The following LDLRAP1 variants were observed in gnomAD, a reference collection of about 807,000 sequenced individuals.
The protein encoded by LDLRAP1 is low density lipoprotein receptor adaptor protein 1, also known as low density lipoprotein receptor adapter protein 1.
A neutral mutation model predicts 37.8 loss-of-function variants in LDLRAP1; 30 were observed. That is an observed-to-expected ratio of 0.79 (90% CI 0.59 to 1.08). The LOEUF is 1.08. Ranked by LOEUF, LDLRAP1 falls within the 50% of genes least tolerant of loss-of-function variation. The pLI is 0.00. For missense variants in LDLRAP1, 375 were observed against 401.6 expected (o/e 0.93, Z 0.57); for synonymous variants, 156 against 169.8 (o/e 0.92, Z 0.63).
chr1:25,557,450 C>T, intron 4 of LDLRAP1, 183 bp downstream of exon 4: 1 of 609,340 alleles, frequency 1.6e-6, no homozygotes, highest in Non-Finnish European at 2.9e-6. Flanking sequence ...GGGCTGCAGG[C>T]AGGCAGGTGA....
intron 4 of LDLRAP1, chr1:25,557,472 G>A (rs1246354960): frequency 8.4e-6 from 5 of 598,370 alleles, no homozygotes; most frequent in Admixed American, 2.8e-5. Context: ...CCGCCGGTCA[G>A]CTTTGTGTGG....
intron 8 of LDLRAP1, 46 bp downstream of exon 8, chr1:25,565,253 G>A: frequency 6.2e-7 from 1 of 1,604,424 alleles, no homozygotes; most frequent in Non-Finnish European, 8.5e-7. Context: ...GTGTGCGTGG[G>A]CTGGCCCTGC....
intron 1 of LDLRAP1, among the ~76,000 whole-genome samples, chr1:25,547,974 G>A (rs2124644139): frequency 6.6e-6 from 1 of 152,336 alleles, no homozygotes; most frequent in Non-Finnish European, 1.5e-5. Flanking sequence ...GGAGTCAGAG[G>A]TCACCCACTG....
the LDLRAP1 span, among the ~76,000 whole-genome samples, chr1:25,575,538 T>C: frequency 2.6e-5 from 4 of 151,588 alleles, no homozygotes; most frequent in Non-Finnish European, 5.9e-5. Flanking sequence ...AAGGCTGTAG[T>C]GAGCTGTGAT....
intron 3 of LDLRAP1, among the ~76,000 whole-genome samples, chr1:25,556,057 G>A (rs2044190004): frequency 6.6e-6 from 1 of 152,174 alleles, no homozygotes; most frequent in Non-Finnish European, 1.5e-5. Flanking sequence ...AGAGCAGGAA[G>A]CTGGACCCCC....
At chr1:25,566,592 G>C (rs1229651186) in intron 8 of LDLRAP1, among the ~76,000 whole-genome samples, 1 of 150,638 alleles carries the variant, frequency 6.6e-6, no homozygotes, top group Non-Finnish European at 1.5e-5. Flanking sequence ...GGCATGTCCT[G>C]ACTGAGCTGG....
In LDLRAP1 at chr1:25,555,167, T is replaced by C. The variant is rs2044170801; in HGVS notation, c.344+195T>C. ...AAACGTGGAGTGCACGGCACCTGGC[T>C]CATGATGAGCATTTGGTTAAGTGGC... On this transcript the variant is annotated intron_variant, in intron 3 of 8. Coordinates refer to ENST00000374338, the MANE Select transcript of LDLRAP1 (RefSeq NM_015627.3). The surrounding 1 kb of genome is among the most constrained non-coding windows in gnomAD (Gnocchi z 4.7). Among the ~76,000 whole-genome samples the C allele has an allele frequency of 6.6e-6, 1 of 152,216 alleles. No homozygotes were observed. Among genetic ancestry groups the C allele is most frequent in the Non-Finnish European group, 1.5e-5 (1 of 68,038 alleles).
At position 25,554,734 on chromosome 1, in the gene LDLRAP1, A is replaced by G. The variant is rs1206161397; in HGVS notation, c.232-126A>G. 1.3e-6 allele frequency: 1 copy of G among 745,134 alleles called. No individual in the cohort carries two copies. The highest frequency in any genetic ancestry group is 1.7e-5 in the African/African-American group (1 of 58,080). 46.2% of individuals were successfully genotyped at this position (745,134 alleles called of 1,614,324 possible). A position where few individuals can be genotyped will look rare whatever the true frequency, so the allele number is the denominator to read the frequency against. On this transcript the variant is annotated intron_variant, in intron 2 of 8. Transcript: ENST00000374338. The surrounding 1 kb of genome is among the most constrained non-coding windows in gnomAD (Gnocchi z 5.4). Reference sequence around the variant, plus strand: ...GTGCTGGCTGAGTGGTCTTGCCCACACTGCTGCCAGTCACCTGAGCTGAGA... The same window carrying G: ...GTGCTGGCTGAGTGGTCTTGCCCACGCTGCTGCCAGTCACCTGAGCTGAGA...
the LDLRAP1 span, among the ~76,000 whole-genome samples, chr1:25,587,429 A>G: frequency 1.3e-5 from 2 of 152,154 alleles, no homozygotes; most frequent in Non-Finnish European, 2.9e-5. Flanking sequence ...TGTTGGTATT[A>G]CAGGTGTGAG....
At chr1:25,557,981 TC>T (rs2044249981) in intron 4 of LDLRAP1, among the ~76,000 whole-genome samples, 2 of 151,998 alleles carry the variant, frequency 1.3e-5, no homozygotes, top group African/African-American at 2.4e-5. Context: ...CCACGTTTCT[TC>T]CCCTCCCTGC....
rs1397934642 is a variant in LDLRAP1, at chr1:25,544,067, G to A, written c.88+281G>A. Reference sequence around the variant, plus strand: ...GCAGCCGGCATGGGGTGGGGTGCAGGTTGGGAGAAGAGGCCCCCGCCACCC... The same window carrying A: ...GCAGCCGGCATGGGGTGGGGTGCAGATTGGGAGAAGAGGCCCCCGCCACCC... On this transcript the variant is annotated intron_variant, in intron 1 of 8. Transcript: ENST00000374338. This position sits in a 1 kb window ranked among gnomAD's most constrained non-coding sequence, Gnocchi z 4.8. Among the ~76,000 whole-genome samples, 2 of 152,140 alleles carry A rather than the reference G, an allele frequency of 1.3e-5. No homozygotes were observed. Among genetic ancestry groups the A allele is most frequent in the East Asian group, 1.9e-4 (1 of 5,170 alleles).
chr1:25,578,041 G>GC, the LDLRAP1 span, among the ~76,000 whole-genome samples: 1 of 152,132 alleles, frequency 6.6e-6, no homozygotes, highest in Non-Finnish European at 1.5e-5. Flanking sequence ...GTGTGGGTGA[G>GC]CCCCCCACCT....
chr1:25,587,849 G>A, the LDLRAP1 span, among the ~76,000 whole-genome samples: 1 of 152,178 alleles, frequency 6.6e-6, no homozygotes. Flanking sequence ...GGTCAGGTGT[G>A]TGTGGGGAAA....
At chr1:25,576,067 A>T in the LDLRAP1 span, among the ~76,000 whole-genome samples, 2 of 141,824 alleles carry the variant, frequency 1.4e-5, no homozygotes, top group African/African-American at 5.1e-5. Context: ...CATCTCTATT[A>T]AAAAAAAAAA....
the LDLRAP1 span, among the ~76,000 whole-genome samples, chr1:25,586,773 G>C: frequency 6.6e-6 from 1 of 152,110 alleles, no homozygotes; most frequent in African/African-American, 2.4e-5. The surrounding 1 kb of genome is among the most constrained non-coding windows in gnomAD (Gnocchi z 4.3). Context: ...CCTGACCAGG[G>C]ATGCCTGAGC....
At chr1:25,558,416 G>A (rs1199690186) in intron 4 of LDLRAP1, among the ~76,000 whole-genome samples, 1 of 152,184 alleles carries the variant, frequency 6.6e-6, no homozygotes, top group Non-Finnish European at 1.5e-5. Flanking sequence ...ACAAATGATC[G>A]CAAATTTAGT....
At chr1:25,573,572 A>G (rs1361425663), downstream of LDLRAP1, among the ~76,000 whole-genome samples, 1 of 151,988 alleles carries the variant, frequency 6.6e-6, no homozygotes, top group Non-Finnish European at 1.5e-5. Flanking sequence ...GATGCAGCAG[A>G]CCCCCTGGCA....
At chr1:25,565,544 CT>C (rs34585710) in intron 8 of LDLRAP1, among the ~76,000 whole-genome samples, 4,930 of 141,676 alleles carry the variant, frequency 0.035, 188 homozygotes, top group African/African-American at 0.1. Context: ...CAAAAATGGG[CT>C]TTTTTTTTTT....
In LDLRAP1 at chr1:25,567,296, G is replaced by A. The variant is rs1390097298; in HGVS notation, c.*304G>A. ...ATGTGCAGTGCTGTAATCGGCTCCC[G>A]CTTGCTCTCCTGGAGCAAGCTCTGC... On this transcript the variant is annotated 3_prime_UTR_variant, in exon 9 of 9. Transcript: ENST00000374338. The A allele has an allele frequency of 1.8e-5, 8 of 446,342 alleles. No individual in the cohort carries two copies. Among genetic ancestry groups the A allele is most frequent in the East Asian group, 4.5e-5 (1 of 22,148 alleles). 27.6% of individuals were successfully genotyped at this position (446,342 alleles called of 1,614,324 possible). A position where few individuals can be genotyped will look rare whatever the true frequency, so the allele number is the denominator to read the frequency against.
Sources: gnomAD v4.1 joint callset for allele counts (sites outside exome capture counted in the v4.1 genomes callset) on GRCh38, gnomAD v4.1.1 for gene constraint, Gnocchi (gnomAD v3.1) non-coding constraint, MANE v1.5 for transcripts, NCBI Gene and HGNC (gene_info 2026-07-23, HGNC 2026-07-21) for gene names.